The following GNAT3 variants were observed in gnomAD, a reference collection of about 807,000 sequenced individuals.
GNAT3 encodes guanine nucleotide-binding protein G(t) subunit alpha-3.
GNAT3 carries 31 observed loss-of-function variants against 37.7 expected under a neutral mutation model. The observed-to-expected ratio is 0.82, with a 90% CI of 0.62 to 1.11. The LOEUF (loss-of-function observed/expected upper bound fraction) is 1.11. Ranked by LOEUF, GNAT3 falls within the 50% of genes most tolerant of loss-of-function variation. The probability of loss-of-function intolerance (pLI) is 0.00; values close to 1 mark genes in which losing one functional copy is unlikely to be tolerated. For missense variants in GNAT3, 437 were observed against 412.5 expected, an observed-to-expected ratio of 1.06 and a Z score of -0.51; for synonymous variants, 138 against 139.8, an observed-to-expected ratio of 0.99 and a Z score of 0.09.
At chr7:80,462,727 AT>A (rs750077997) in intron 5 of GNAT3, 96 bp from the exon 6 acceptor site, 43 of 816,662 alleles carry the variant, frequency 5.3e-5, no homozygotes, top group Non-Finnish European at 7.4e-5. Flanking sequence ...GTGATCCCCT[AT>A]CTTCAAAAGG....
chr7:80,504,446 C>G (rs1790894297), intron 1 of GNAT3, among the ~76,000 whole-genome samples: 1 of 152,092 alleles, frequency 6.6e-6, no homozygotes, highest in African/African-American at 2.4e-5. Context: ...AGAGACTAAA[C>G]AGGATAAGAA....
intron 3 of GNAT3, among the ~76,000 whole-genome samples, chr7:80,486,086 G>A (rs1790473286): frequency 6.6e-6 from 1 of 152,188 alleles, no homozygotes; most frequent in Admixed American, 6.5e-5. Context: ...TGTAGGTAGT[G>A]TTTAGCAATC....
chr7:80,492,683 A>G (rs1790616996), intron 2 of GNAT3, among the ~76,000 whole-genome samples: 1 of 151,422 alleles, frequency 6.6e-6, no homozygotes, highest in African/African-American at 2.4e-5. Flanking sequence ...ATTACTTTTG[A>G]CAATTCTCAG....
At position 80,478,968 on chromosome 7, in the gene GNAT3, T is replaced by C. The variant is rs753435900; in HGVS notation, c.334A>G (p.Asn112Asp). Reference protein sequence around the residue: ...EDQRQLYAMANTLEDGGMTPQ... With the variant: ...EDQRQLYAMADTLEDGGMTPQ... The stretch of plus-strand genomic sequence containing the variant: ...GTCATGCCACCATCTTCCAGGGTAT[T>C]TGCCATTGCATAAAGTTGTCGTTGG... Residue 112 changes from asparagine to aspartate, a missense_variant, in exon 4 of 8, where the codon AAT becomes GAT. Asn to Asp is a conservative substitution (Grantham distance 23). Transcript: ENST00000398291. 6.2e-7 allele frequency: 1 copy of C among 1,612,058 alleles called. No individual in the cohort carries two copies. The highest frequency in any genetic ancestry group is 8.5e-7 in the Non-Finnish European group (1 of 1,179,006).
At chr7:80,476,772 A>C (rs1790310722) in intron 4 of GNAT3, among the ~76,000 whole-genome samples, 1 of 152,052 alleles carries the variant, frequency 6.6e-6, no homozygotes, top group Admixed American at 6.6e-5. Context: ...TGGAAAAAAA[A>C]ATCTGCTCTT....
In GNAT3 at chr7:80,478,865, T is replaced by C; in HGVS notation, c.437A>G (p.Tyr146Cys). ...IQACFERASE[Y>C]QLNDSAAYYL... is the part of the protein sequence containing the mutation. The stretch of plus-strand genomic sequence containing the variant: ...CTAAGCTGCTGAGTCATTGAGCTGA[T>C]ATTCAGATGCCCTTTCAAAGCAGGC... Residue 146 changes from tyrosine to cysteine, a missense_variant, in exon 4 of 8, where the codon TAT (tyrosine) becomes TGT (cysteine). By Grantham distance (194) the Tyr-to-Cys change is radical. Coordinates refer to ENST00000398291, the MANE Select transcript of GNAT3 (RefSeq NM_001102386.3). 2 of 1,613,384 alleles carry C rather than the reference T, an allele frequency of 1.2e-6. No homozygotes were observed. Among genetic ancestry groups the C allele is most frequent in the Non-Finnish European group, 8.5e-7 (1 of 1,179,482 alleles).
intron 1 of GNAT3, among the ~76,000 whole-genome samples, chr7:80,501,237 A>G (rs1790827631): frequency 6.6e-6 from 1 of 152,022 alleles, no homozygotes; most frequent in African/African-American, 2.4e-5. Flanking sequence ...CAGAAGTTCA[A>G]GAATATAGTG....
intron 5 of GNAT3, among the ~76,000 whole-genome samples, chr7:80,467,246 G>C (rs1238941784): frequency 6.6e-6 from 1 of 152,110 alleles, no homozygotes; most frequent in Non-Finnish European, 1.5e-5. Flanking sequence ...TGTTCATATA[G>C]ATAAAATGGA....
chr7:80,490,663 T>C (rs993021281), intron 2 of GNAT3, among the ~76,000 whole-genome samples: 3 of 152,214 alleles, frequency 2.0e-5, no homozygotes, highest in Non-Finnish European at 2.9e-5. Context: ...CAAGCACTAT[T>C]GTAAGCACTT....
chr7:80,460,976 T>C (rs1347557887), intron 7 of GNAT3, among the ~76,000 whole-genome samples: 1 of 151,388 alleles, frequency 6.6e-6, no homozygotes, highest in Admixed American at 6.6e-5. Context: ...TAAGTCCTGT[T>C]ATATATATAA....
At chr7:80,501,169 A>G (rs1790825870) in intron 1 of GNAT3, among the ~76,000 whole-genome samples, 1 of 152,088 alleles carries the variant, frequency 6.6e-6, no homozygotes, top group African/African-American at 2.4e-5. Context: ...TTTTGCCAAA[A>G]AAACACATTG....
At chr7:80,476,282 G>A (rs1243968236) in intron 4 of GNAT3, among the ~76,000 whole-genome samples, 1 of 151,400 alleles carries the variant, frequency 6.6e-6, no homozygotes, top group Non-Finnish European at 1.5e-5. Flanking sequence ...GGGAGTTCAA[G>A]TCTATAATCT....
intron 1 of GNAT3, among the ~76,000 whole-genome samples, chr7:80,509,828 C>A (rs369041121): frequency 7.6e-4 from 115 of 152,142 alleles, no homozygotes; most frequent in African/African-American, 2.7e-3. Flanking sequence ...TCTTTTTGAA[C>A]ATTTTTAATT....
At chr7:80,488,090 A>G (rs1028951877) in intron 3 of GNAT3, among the ~76,000 whole-genome samples, 2 of 152,162 alleles carry the variant, frequency 1.3e-5, no homozygotes, top group Non-Finnish European at 2.9e-5. Flanking sequence ...TTATCAAGTA[A>G]TCATTTCCCT....
chr7:80,474,617 G>C (rs1790275733), intron 4 of GNAT3, among the ~76,000 whole-genome samples: 2 of 152,130 alleles, frequency 1.3e-5, no homozygotes, highest in Non-Finnish European at 2.9e-5. Flanking sequence ...AAGTTTGGTA[G>C]CTGGAATGTT....
At chr7:80,496,831 A>C (rs752920094) in intron 1 of GNAT3, among the ~76,000 whole-genome samples, 3 of 149,662 alleles carry the variant, frequency 2.0e-5, no homozygotes, top group Non-Finnish European at 4.4e-5. Context: ...ACCTAAATTT[A>C]GTTCTATTCA....
intron 2 of GNAT3, among the ~76,000 whole-genome samples, chr7:80,490,805 C>T (rs964782407): frequency 2.0e-5 from 3 of 152,086 alleles, no homozygotes; most frequent in Non-Finnish European, 2.9e-5. Context: ...TGTGATACAC[C>T]TGGGCCACAA....
intron 5 of GNAT3, among the ~76,000 whole-genome samples, chr7:80,472,383 G>A (rs773893346): frequency 3.9e-5 from 6 of 152,048 alleles, no homozygotes; most frequent in African/African-American, 4.8e-5. Flanking sequence ...CATGCTGCAG[G>A]GTGTATAGTG....
At position 80,507,939 on chromosome 7, in the gene GNAT3, T is replaced by C. The variant is rs1790981131; in HGVS notation, c.118+3870A>G. Among the ~76,000 whole-genome samples the C allele has an allele frequency of 3.3e-5, 5 of 152,060 alleles. No individual in the cohort carries two copies. The South Asian group carries it at 1.0e-3, about 32-fold the overall frequency. ...GATCTCTAGACTCCATCCCTATTCA[T>C]GTTTCTAAAAGCCAGATAAGTGGAA... On this transcript the variant is annotated intron_variant, in intron 1 of 7. Transcript: ENST00000398291.
Sources: gnomAD v4.1 joint callset for allele counts (sites outside exome capture counted in the v4.1 genomes callset) on GRCh38, gnomAD v4.1.1 for gene constraint, MANE v1.5 for transcripts, NCBI Gene and HGNC (gene_info 2026-07-23, HGNC 2026-07-21) for gene names.